The following SETX variants were observed in gnomAD, a reference collection of about 807,000 sequenced individuals.
The protein encoded by SETX is senataxin.
In SETX, 90 loss-of-function variants were observed where a neutral mutation model predicts 227.2. The ratio of observed to expected loss-of-function variants is 0.40; its 90% CI spans 0.33 to 0.47. The LOEUF is 0.47. Ranked by LOEUF, SETX falls within the 20% of genes least tolerant of loss-of-function variation. The pLI is 0.91. For synonymous variants in SETX, 1,210 were observed against 1,113.2 expected, an observed-to-expected ratio of 1.09 and a Z score of -1.73; for missense variants, 3,052 against 3,181.5, an observed-to-expected ratio of 0.96 and a Z score of 0.98.
intron 7 of SETX, among the ~76,000 whole-genome samples, chr9:132,333,197 A>T (rs1847356479): frequency 6.6e-6 from 1 of 150,950 alleles, no homozygotes; most frequent in Non-Finnish European, 1.5e-5. Flanking sequence ...TGGAAAACAT[A>T]GTGAAACACC....
intron 10 of SETX, among the ~76,000 whole-genome samples, chr9:132,313,246 T>A (rs1380853593): frequency 6.6e-6 from 1 of 152,200 alleles, no homozygotes; most frequent in Non-Finnish European, 1.5e-5. Flanking sequence ...TATACCTTAA[T>A]AAAGCTGTTA....
chr9:132,280,939 T>C (rs1296208679), intron 20 of SETX, among the ~76,000 whole-genome samples: 1 of 152,180 alleles, frequency 6.6e-6, no homozygotes, highest in South Asian at 2.1e-4. Context: ...CACTTTCAGA[T>C]GATGTGAAGG....
At chr9:132,349,125 A>AC in intron 3 of SETX, 127 bp downstream of exon 3, 1 of 960,776 alleles carries the variant, frequency 1.0e-6, no homozygotes, top group Non-Finnish European at 1.6e-6. Context: ...CAAAACAAAA[A>AC]CAAAAAAAAA....
intron 10 of SETX, among the ~76,000 whole-genome samples, chr9:132,314,906 GTTTTTTTT>G (rs559979271): frequency 6.8e-5 from 6 of 88,478 alleles, no homozygotes; most frequent in African/African-American, 1.8e-4. Context: ...ATTTTATTGT[GTTTTTTTT>G]TTTTTTTTTT....
chr9:132,338,698 CATGCCTGTTCAGATCTT>C (rs1446798695), intron 5 of SETX, among the ~76,000 whole-genome samples: 1 of 152,154 alleles, frequency 6.6e-6, no homozygotes, highest in Non-Finnish European at 1.5e-5. Context: ...TGTTCTGGGA[CATGCCTGTTCAGATCTT>C]CATCCATATT....
chr9:132,312,595 T>C (rs1185289913), intron 10 of SETX, among the ~76,000 whole-genome samples: 1 of 152,202 alleles, frequency 6.6e-6, no homozygotes, highest in Non-Finnish European at 1.5e-5. Flanking sequence ...ACTATTGGTG[T>C]TGAACTGCTT....
chr9:132,279,255 C>A (rs982483262), intron 20 of SETX, among the ~76,000 whole-genome samples: 4 of 151,878 alleles, frequency 2.6e-5, no homozygotes, highest in African/African-American at 9.7e-5. Context: ...ATGGCAGCAA[C>A]ACAGAAAGTT....
intron 23 of SETX, among the ~76,000 whole-genome samples, chr9:132,274,529 C>G: frequency 6.6e-6 from 1 of 151,572 alleles, no homozygotes; most frequent in Non-Finnish European, 1.5e-5. Flanking sequence ...GCAGCCTCCG[C>G]CTCCTGGGTT....
At position 132,303,623 on chromosome 9, in the gene SETX, A is replaced by G. The variant is rs1845156382; in HGVS notation, c.5375-2820T>C. On this transcript the variant is annotated intron_variant, in intron 11 of 25. Coordinates refer to ENST00000224140, the MANE Select transcript of SETX (RefSeq NM_015046.7). ...TATTTTCAATATATAAATATAATAAATAACTTGTCTCCAGAATATATAAAG... is the reference window on the plus strand; with the variant it reads ...TATTTTCAATATATAAATATAATAAGTAACTTGTCTCCAGAATATATAAAG... Among the ~76,000 whole-genome samples the G allele has an allele frequency of 3.3e-5, 5 of 152,032 alleles. No individual in the cohort carries two copies. In the South Asian group the frequency reaches 1.0e-3, roughly 31 times the overall value.
At position 132,327,566 on chromosome 9, in the gene SETX, A is replaced by C. The variant is rs1564539766; in HGVS notation, c.4032T>G (p.Thr1344=). 1 of 1,614,108 alleles carries C rather than the reference A, an allele frequency of 6.2e-7. No individual in the cohort carries two copies. The highest frequency in any genetic ancestry group is 1.3e-5 in the African/African-American group (1 of 75,056). Residue 1344 remains threonine, a synonymous_variant, in exon 10 of 26, where the codon ACT becomes ACG. Transcript: ENST00000224140. ...LSVRNNKKLL[T]SQELQMQRQI... is the part of the protein sequence containing the mutation. ...GCCTTTGCATCTGAAGTTCTTGACT[A>C]GTCAGAAGTTTCTTATTATTTCTGA...
chr9:132,312,398 C>A (rs920125717), intron 10 of SETX, among the ~76,000 whole-genome samples: 4 of 152,204 alleles, frequency 2.6e-5, no homozygotes, highest in African/African-American at 9.7e-5. Flanking sequence ...TAAGACTATT[C>A]CCAATCCCAA....
Position 132,271,746 on chromosome 9 carries a change from G to C in SETX, c.7163C>G (p.Thr2388Arg), listed in dbSNP as rs765418950. 1.2e-6 allele frequency: 2 copies of C among 1,614,028 alleles called. No individual in the cohort carries two copies. Among genetic ancestry groups the C allele is most frequent in the Non-Finnish European group, 1.7e-6 (2 of 1,179,996 alleles). Reference protein sequence around the residue: ...QGRQKDCVIVTCVRANSIQGS... With the variant: ...QGRQKDCVIVRCVRANSIQGS... Reference sequence around the variant, plus strand: ...TTGGATGCTATTTGCTCTGACACACGTAACAATAACACAATCCTTCTGCCG... The same window carrying C: ...TTGGATGCTATTTGCTCTGACACACCTAACAATAACACAATCCTTCTGCCG... Residue 2388 changes from threonine (T) to arginine (R), a missense_variant, in exon 24 of 26, where the codon ACG becomes AGG. By Grantham distance (71) the Thr-to-Arg change is moderately conservative. Transcript: ENST00000224140.
chr9:132,311,392 G>GT (rs1443643679), intron 11 of SETX, among the ~76,000 whole-genome samples: 25 of 152,066 alleles, frequency 1.6e-4, no homozygotes, highest in African/African-American at 5.8e-4. Context: ...TATAAAAGTG[G>GT]TATGTGGTTC....
At chr9:132,287,440 C>T (rs1032232211) in intron 17 of SETX, among the ~76,000 whole-genome samples, 7 of 152,240 alleles carry the variant, frequency 4.6e-5, no homozygotes, top group Middle Eastern at 3.4e-3. Flanking sequence ...TAAATTGAAC[C>T]ACAACTGCAC....
At chr9:132,317,288 T>C (rs1846027819) in intron 10 of SETX, among the ~76,000 whole-genome samples, 1 of 151,796 alleles carries the variant, frequency 6.6e-6, no homozygotes, top group African/African-American at 2.4e-5. Context: ...TGTGCCCAAA[T>C]ATGGATGCTG....
Position 132,311,826 on chromosome 9 carries a change from T to C in SETX, c.5305A>G (p.Arg1769Gly). 2 of 1,613,624 alleles carry C rather than the reference T, an allele frequency of 1.2e-6. No individual in the cohort carries two copies. Among genetic ancestry groups the C allele is most frequent in the Non-Finnish European group, 1.7e-6 (2 of 1,179,752 alleles). The stretch of plus-strand genomic sequence containing the variant: ...ACTTGCAACTGATAGAAATTCTCTC[T>C]ATTTGGAGAGTTGAGCCATTCTTGT... ...VAQEWLNSPN[R>G]ENFYQLQVRK... Residue 1769 changes from arginine to glycine, a missense_variant, in exon 11 of 26, where the codon AGA (arginine) becomes GGA (glycine). Physicochemically the swap from Arg to Gly is moderately radical, Grantham distance 125. Coordinates refer to ENST00000224140, the MANE Select transcript of SETX (RefSeq NM_015046.7).
chr9:132,275,216 T>A, intron 23 of SETX, 40 bp downstream of exon 23: 1 of 1,597,948 alleles, frequency 6.3e-7, no homozygotes. Flanking sequence ...CTCATTCTAA[T>A]TCAACAAGAA....
At position 132,331,136 on chromosome 9, in the gene SETX, G is replaced by T; in HGVS notation, c.1014C>A (p.Thr338=). The part of the protein sequence containing the change: ...IRHIRNSSVR[T]KLEPESYLDD... ...CCAAATAGGACTCCGGTTCTAACTT[G>T]GTCCTTAAATATTAAGAATAAATAG... Residue 338 remains threonine, a synonymous_variant, in exon 9 of 26, where the codon ACC becomes ACA. Transcript: ENST00000224140. 1 of 1,612,912 alleles carries T rather than the reference G, an allele frequency of 6.2e-7. No individual in the cohort carries two copies. The highest frequency in any genetic ancestry group is 1.1e-5 in the South Asian group (1 of 91,024).
At chr9:132,302,255 G>A (rs1427333632) in intron 11 of SETX, among the ~76,000 whole-genome samples, 3 of 151,202 alleles carry the variant, frequency 2.0e-5, no homozygotes, top group Admixed American at 2.0e-4. Context: ...TACTCGGGAG[G>A]CCGAGGCAGG....
Sources: gnomAD v4.1 joint callset for allele counts (sites outside exome capture counted in the v4.1 genomes callset) on GRCh38, gnomAD v4.1.1 for gene constraint, MANE v1.5 for transcripts, NCBI Gene and HGNC (gene_info 2026-07-23, HGNC 2026-07-21) for gene names.